Variants in APC2 observed in about 807,000 individuals in gnomAD.
The protein encoded by APC2 is adenomatous polyposis coli protein 2.
A neutral mutation model predicts 72.5 loss-of-function variants in APC2; 41 were observed. The ratio of observed to expected loss-of-function variants is 0.57; its 90% CI spans 0.44 to 0.73. The LOEUF (loss-of-function observed/expected upper bound fraction) is 0.73, where lower values mean the gene tolerates loss of function less well. Among genes scored for constraint, APC2 ranks in the 30% least tolerant of loss-of-function variants. APC2 has a pLI of 0.00. For synonymous variants in APC2, 1,898 were observed against 1,612.0 expected, an observed-to-expected ratio of 1.18 and a Z score of -4.25; for missense variants, 3,729 against 3,403.4, an observed-to-expected ratio of 1.10 and a Z score of -2.38.
Position 1,457,191 on chromosome 19 carries a change from G to C in APC2, c.1155G>C (p.Trp385Cys). The C allele has an allele frequency of 6.4e-7, 1 of 1,565,394 alleles. No homozygotes were observed. Among genetic ancestry groups the C allele is most frequent in the Admixed American group, 1.9e-5 (1 of 53,450 alleles). The change falls in exon 9 of 15, where the codon TGG becomes TGC. Residue 385 changes from tryptophan to cysteine, a missense_variant. Transcript: ENST00000590469. ...EQIRAYCETC[W>C]DWLQARDGGP... is the part of the protein sequence containing the mutation. Reference sequence around the variant, plus strand: ...TCCGGGCCTACTGCGAGACCTGCTGGGACTGGCTGCAGGCCCGAGACGGCG... The same window carrying C: ...TCCGGGCCTACTGCGAGACCTGCTGCGACTGGCTGCAGGCCCGAGACGGCG...
chr19:1,466,756 T>G lies in APC2; in HGVS notation c.3455T>G (p.Val1152Gly). The G allele has an allele frequency of 6.5e-7, 1 of 1,550,028 alleles. No homozygotes were observed. Among genetic ancestry groups the G allele is most frequent in the Non-Finnish European group, 8.7e-7 (1 of 1,147,794 alleles). ...ATPSSSSENYVQETPLVLSRC... is the reference protein window; with the variant it reads ...ATPSSSSENYGQETPLVLSRC... ...CCGTCCAGCTCGTCGGAGAACTACG[T>G]GCAGGAGACACCGCTTGTGCTGAGC... is the stretch of plus-strand genomic sequence containing the variant. The change falls in exon 15 of 15, where the codon GTG becomes GGG. Residue 1152 changes from valine (V) to glycine (G), a missense_variant. Physicochemically the swap from Val to Gly is moderately radical, Grantham distance 109. Transcript: ENST00000590469.
At position 1,466,145 on chromosome 19, in the gene APC2, C is replaced by G; in HGVS notation, c.2844C>G (p.Ala948=). Residue 948 remains alanine (A), a synonymous_variant, in exon 15 of 15, where the codon GCC becomes GCG. Transcript: ENST00000590469. ...AACATATGCTGCCCTGCCCGCTGGC[C>G]GCACTGGCTTCGCGCCGCGAGGACC... ...PREHMLPCPL[A]ALASRREDPR... 6.4e-7 allele frequency: 1 copy of G among 1,565,504 alleles called. No individual in the cohort carries two copies. Among genetic ancestry groups the G allele is most frequent in the African/African-American group, 1.4e-5 (1 of 71,406 alleles).
rs533863307 is a variant in APC2 at position 1,464,074 on chromosome 19, C to T, written c.1854-1081C>T. ...CTGTAATCCCAGCACTTTGGCAGGCCGAGGTAGGTGGATCACCTGAGGTCA... is the reference window on the plus strand; with the variant it reads ...CTGTAATCCCAGCACTTTGGCAGGCTGAGGTAGGTGGATCACCTGAGGTCA... On this transcript the variant is annotated intron_variant, in intron 14 of 14. Coordinates refer to ENST00000590469, the MANE Select transcript of APC2 (RefSeq NM_005883.3). Among the ~76,000 whole-genome samples, 68 of 151,576 alleles carry T rather than the reference C, an allele frequency of 4.5e-4. No homozygotes were observed. In the East Asian group the frequency reaches 9.4e-3, roughly 21 times the overall value.
chr19:1,446,752 C>T (rs1490938522), upstream of APC2, among the ~76,000 whole-genome samples: 3 of 152,046 alleles, frequency 2.0e-5, no homozygotes, highest in Non-Finnish European at 4.4e-5. The surrounding 1 kb of genome is among the most constrained non-coding windows in gnomAD (Gnocchi z 6.1). Flanking sequence ...CCACGCCCTG[C>T]GCTTCTTTGG....
In APC2 at chr19:1,460,868, G is replaced by A. The variant is rs752477016; in HGVS notation, c.1521+11G>A. The A allele has an allele frequency of 8.1e-5, 131 of 1,613,080 alleles. 1 individual carries two copies. The highest frequency in any genetic ancestry group is 6.6e-4 in the Middle Eastern group (4 of 6,076). ...GAGGAGCTCCACCAGGTACAGGGCG[G>A]GGTGCTGGGAAAGCCTTCCAGGGTG... On this transcript the variant is annotated intron_variant, in intron 12 of 14. Transcript: ENST00000590469.
Position 1,470,164 on chromosome 19 carries a change from C to T in APC2, c.6863C>T (p.Ser2288Leu), listed in dbSNP as rs2084110681. Residue 2288 changes from serine to leucine, a missense_variant, in exon 15 of 15, where the codon TCG becomes TTG. By Grantham distance (145) the Ser-to-Leu change is moderately radical. Transcript: ENST00000590469. Reference sequence around the variant, plus strand: ...ATGGTGGTCGCAGCCACCACCGACTCGGCCGCGGAGAAAGCCCCGGCCACT... The same window carrying T: ...ATGGTGGTCGCAGCCACCACCGACTTGGCCGCGGAGAAAGCCCCGGCCACT... The part of the protein sequence containing the change: ...SPMVVAATTD[S>L]AAEKAPATAS... 3.1e-6 allele frequency: 5 copies of T among 1,603,338 alleles called. No homozygotes were observed. Among genetic ancestry groups the T allele is most frequent in the Admixed American group, 1.7e-5 (1 of 59,602 alleles).
chr19:1,458,440 AAAGT>A (rs1166461673), intron 10 of APC2: 1 of 194,854 alleles, frequency 5.1e-6, no homozygotes, highest in African/African-American at 2.4e-5. Context: ...GTCAATATAA[AAAGT>A]AATTGAGGCC....
chr19:1,450,262 G>A lies in APC2; in HGVS notation c.-95G>A. ...GAGGCCACCCCGGGCCGGGATTTCC[G>A]GTGGGGCCCGCGGAGCCGCGCAGAG... On this transcript the variant is annotated 5_prime_UTR_variant, in exon 1 of 15. Transcript: ENST00000590469. 1 of 985,394 alleles carries A rather than the reference G, an allele frequency of 1.0e-6. No individual in the cohort carries two copies. Among genetic ancestry groups the A allele is most frequent in the Non-Finnish European group, 1.2e-6 (1 of 829,906 alleles). 61.0% of individuals were successfully genotyped at this position (985,394 alleles called of 1,614,324 possible). A position where few individuals can be genotyped will look rare whatever the true frequency, so the allele number is the denominator to read the frequency against.
At chr19:1,454,713 G>A (rs914706351) in intron 4 of APC2, among the ~76,000 whole-genome samples, 8 of 151,828 alleles carry the variant, frequency 5.3e-5, no homozygotes, top group African/African-American at 1.5e-4. Context: ...ACAGGCACCC[G>A]CCACCACGCC....
intron 8 of APC2, 139 bp downstream of exon 8, chr19:1,456,543 G>A: frequency 1.0e-6 from 1 of 971,944 alleles, no homozygotes; most frequent in Non-Finnish European, 1.5e-6. Flanking sequence ...CCTCTGGCGT[G>A]CAGCTCATGC....
intron 14 of APC2, 93 bp downstream of exon 14, chr19:1,462,270 C>T: frequency 8.4e-7 from 1 of 1,188,598 alleles, no homozygotes; most frequent in South Asian, 1.5e-5. Flanking sequence ...AATGCATGCT[C>T]CCAAGGCTTC....
At chr19:1,450,412 C>T (rs984244271) in intron 1 of APC2, 74 bp downstream of exon 1, 5 of 951,796 alleles carry the variant, frequency 5.3e-6, no homozygotes, top group Non-Finnish European at 2.5e-6. Context: ...TGGCTCTCAG[C>T]ATTGCCCGTC....
chr19:1,459,139 C>A (rs192080898), intron 10 of APC2, among the ~76,000 whole-genome samples: 17 of 152,278 alleles, frequency 1.1e-4, no homozygotes, highest in African/African-American at 4.1e-4. Flanking sequence ...TCATTTTATG[C>A]CTGGCGTCTC....
At position 1,470,554 on chromosome 19, in the gene APC2, T is replaced by G; in HGVS notation, c.*341T>G. ...ACCCCGGGCGAGGGAGGCGGTAGCC[T>G]CCGGGTCCGGGTCTGGGTCTGGGTC... On this transcript the variant is annotated 3_prime_UTR_variant, in exon 15 of 15. Transcript: ENST00000590469. 18 of 211,936 alleles carry G rather than the reference T, an allele frequency of 8.5e-5. No individual in the cohort carries two copies. The highest frequency in any genetic ancestry group is 3.4e-4 in the East Asian group (3 of 8,842). 13.1% of individuals were successfully genotyped at this position (211,936 alleles called of 1,614,324 possible).
chr19:1,457,776 A>G (rs1353757317), intron 9 of APC2, 189 bp from the exon 10 acceptor site: 7 of 619,812 alleles, frequency 1.1e-5, no homozygotes, highest in African/African-American at 5.5e-5. Context: ...TCCCTTCCCA[A>G]GGCTGAGTGA....
chr19:1,453,129 C>T lies in APC2; in HGVS notation c.128C>T (p.Thr43Met), dbSNP rs1191511084. The change falls in exon 2 of 15, where the codon ACG becomes ATG. Residue 43 changes from threonine to methionine, a missense_variant. By Grantham distance (81) the Thr-to-Met change is moderately conservative (BLOSUM62 -1). Coordinates refer to ENST00000590469, the MANE Select transcript of APC2 (RefSeq NM_005883.3). ...CACCTGTCCAAGCTGGAGACAGAGACGTCGGGCATGAAGGTGGGGGCCTAC... is the reference window on the plus strand; with the variant it reads ...CACCTGTCCAAGCTGGAGACAGAGATGTCGGGCATGAAGGTGGGGGCCTAC... ...SSHLSKLETE[T>M]SGMKEVLKHL... 4.4e-6 allele frequency: 7 copies of T among 1,603,720 alleles called. No individual in the cohort carries two copies. Among genetic ancestry groups the T allele is most frequent in the East Asian group, 2.2e-5 (1 of 44,530 alleles).
upstream of APC2, among the ~76,000 whole-genome samples, chr19:1,449,345 C>T (rs1209740150): frequency 6.6e-6 from 1 of 152,204 alleles, no homozygotes; most frequent in African/African-American, 2.4e-5. Flanking sequence ...CTTCAAATGG[C>T]TTCCAGGGAC....
At position 1,467,874 on chromosome 19, in the gene APC2, C is replaced by T. The variant is rs772219690; in HGVS notation, c.4573C>T (p.Pro1525Ser). The change falls in exon 15 of 15, where the codon CCA becomes TCA. Residue 1525 changes from proline (P) to serine (S), a missense_variant. By Grantham distance (74) the Pro-to-Ser change is moderately conservative. Transcript: ENST00000590469. The stretch of plus-strand genomic sequence containing the variant: ...GGAGCCCCCGGCGGCCGCGCCCACG[C>T]CAACCCACCGGCGCACATCGGCCAT... ...DEEPPAAAPTPTHRRTSAIPR... is the reference protein window; with the variant it reads ...DEEPPAAAPTSTHRRTSAIPR... 4 of 1,570,516 alleles carry T rather than the reference C, an allele frequency of 2.5e-6. No homozygotes were observed. Among genetic ancestry groups the T allele is most frequent in the South Asian group, 1.1e-5 (1 of 87,728 alleles).
At chr19:1,458,426 CTT>C (rs1042286053) in intron 10 of APC2, 8 of 219,892 alleles carry the variant, frequency 3.6e-5, no homozygotes, top group Admixed American at 5.3e-5. Flanking sequence ...AACATCTTCT[CTT>C]TGTCAATATA....
Sources: gnomAD v4.1 joint callset for allele counts (sites outside exome capture counted in the v4.1 genomes callset) on GRCh38, gnomAD v4.1.1 for gene constraint, Gnocchi (gnomAD v3.1) non-coding constraint, MANE v1.5 for transcripts, NCBI Gene and HGNC (gene_info 2026-07-23, HGNC 2026-07-21) for gene names.